PTPRK: variants seen among roughly 807,000 people sequenced by gnomAD.
PTPRK encodes receptor-type tyrosine-protein phosphatase kappa.
PTPRK carries 75 observed loss-of-function variants against 178.0 expected under a neutral mutation model. The observed-to-expected ratio is 0.42, with a 90% confidence interval of 0.35 to 0.51. PTPRK has a LOEUF of 0.51. PTPRK is among the 20% of genes least tolerant of loss of function. PTPRK has a pLI of 0.02. For missense variants in PTPRK, 1,441 were observed against 1,797.8 expected (o/e 0.80, Z 3.59); for synonymous variants, 637 against 620.6 (o/e 1.03, Z -0.39).
At chr6:128,441,535 C>T (rs2128400521) in intron 1 of PTPRK, among the ~76,000 whole-genome samples, 1 of 152,202 alleles carries the variant, frequency 6.6e-6, no homozygotes. Flanking sequence ...ACCCTCAAGT[C>T]CCCTCTCCCC....
chr6:128,099,946 T>C (rs1462624127), intron 7 of PTPRK, among the ~76,000 whole-genome samples: 7 of 152,030 alleles, frequency 4.6e-5, no homozygotes, highest in Non-Finnish European at 7.4e-5. Flanking sequence ...TTTCAGAGAT[T>C]AAATTAAAAG....
At chr6:128,321,122 G>C (rs1356863394) in intron 3 of PTPRK, 1 of 151,962 alleles carries the variant, frequency 6.6e-6, no homozygotes, top group Non-Finnish European at 1.5e-5. Flanking sequence ...ATTTTTAAAA[G>C]GCAGAAATAA....
At chr6:128,072,419 A>G (rs1782988795) in intron 11 of PTPRK, among the ~76,000 whole-genome samples, 2 of 152,014 alleles carry the variant, frequency 1.3e-5, no homozygotes, top group Admixed American at 1.3e-4. Context: ...AAATGTGCTC[A>G]GAACATTTAC....
At chr6:128,225,278 T>C (rs1033142976) in intron 5 of PTPRK, among the ~76,000 whole-genome samples, 1 of 152,164 alleles carries the variant, frequency 6.6e-6, no homozygotes, top group East Asian at 1.9e-4. Context: ...GATTCTCTCA[T>C]CTTCTTAAAA....
At chr6:128,198,940 A>C (rs1041543694) in intron 6 of PTPRK, among the ~76,000 whole-genome samples, 1 of 152,240 alleles carries the variant, frequency 6.6e-6, no homozygotes, top group Non-Finnish European at 1.5e-5. Context: ...AAAAGTATTA[A>C]CATAAGAAGA....
chr6:128,357,036 G>A (rs1026960903), intron 2 of PTPRK, among the ~76,000 whole-genome samples: 8 of 152,174 alleles, frequency 5.3e-5, no homozygotes, highest in Admixed American at 3.9e-4. Context: ...TACTGGGGAA[G>A]CCTAAGAGAG....
intron 7 of PTPRK, among the ~76,000 whole-genome samples, chr6:128,107,404 G>T (rs1789903413): frequency 6.6e-6 from 1 of 151,912 alleles, no homozygotes; most frequent in South Asian, 2.1e-4. Context: ...ATGCACCAAG[G>T]CATAATGTAT....
chr6:128,178,734 T>C (rs1443532478), intron 7 of PTPRK, among the ~76,000 whole-genome samples: 1 of 151,818 alleles, frequency 6.6e-6, no homozygotes, highest in Non-Finnish European at 1.5e-5. Context: ...CTGCTTCTAG[T>C]CCTTCCTTAG....
intron 9 of PTPRK, among the ~76,000 whole-genome samples, chr6:128,083,352 C>T (rs886128030): frequency 1.3e-5 from 2 of 151,512 alleles, no homozygotes; most frequent in African/African-American, 4.9e-5. Flanking sequence ...ATGGCTTCTC[C>T]TAAATCACAG....
chr6:128,487,265 A>C (rs2128427031), intron 1 of PTPRK, among the ~76,000 whole-genome samples: 1 of 150,132 alleles, frequency 6.7e-6, no homozygotes, highest in Admixed American at 6.7e-5. Flanking sequence ...GGATAAAAGA[A>C]GGCAGGACAC....
Position 128,520,257 on chromosome 6 carries a change from A to G in PTPRK, c.100+2T>C. On this transcript the variant is annotated splice_donor_variant, in intron 1 of 29. Coordinates refer to ENST00000368226, the MANE Select transcript of PTPRK (RefSeq NM_002844.4). LOFTEE classifies it high-confidence loss of function. ...CGTCGGGGACGCCCCCCGGCCACTC[A>G]CCTGCGGAGAACTGGCCTTGGGCCG... 6.3e-7 allele frequency: 1 copy of G among 1,588,880 alleles called. No homozygotes were observed. The highest frequency in any genetic ancestry group is 8.6e-7 in the Non-Finnish European group (1 of 1,167,450).
At position 128,211,246 on chromosome 6, in the gene PTPRK, G is replaced by A. The variant is rs115033024; in HGVS notation, c.868+7676C>T. On this transcript the variant is annotated intron_variant, in intron 6 of 29. Coordinates refer to ENST00000368226, the MANE Select transcript of PTPRK (RefSeq NM_002844.4). ...TTATTTAATTTCTGTCCAGCTCTCC[G>A]TCCCCAAATTCTCACTTTTAATACT... Among the ~76,000 whole-genome samples, 447 of 152,128 alleles carry A rather than the reference G, an allele frequency of 2.9e-3. 3 individuals carry two copies. The highest frequency in any genetic ancestry group is 9.8e-3 in the African/African-American group (405 of 41,518).
chr6:128,403,046 T>C (rs1218981171), intron 1 of PTPRK, among the ~76,000 whole-genome samples: 1 of 152,202 alleles, frequency 6.6e-6, no homozygotes, highest in Non-Finnish European at 1.5e-5. Context: ...CCATTATTTA[T>C]TGATAGGTAG....
chr6:128,106,123 C>T (rs1476457681), intron 7 of PTPRK, among the ~76,000 whole-genome samples: 2 of 152,056 alleles, frequency 1.3e-5, no homozygotes, highest in Non-Finnish European at 2.9e-5. Context: ...CTAGTATCTA[C>T]CTTATAGAGT....
chr6:128,307,082 A>T (rs1826496888), intron 3 of PTPRK, among the ~76,000 whole-genome samples: 1 of 151,626 alleles, frequency 6.6e-6, no homozygotes, highest in Non-Finnish European at 1.5e-5. Flanking sequence ...TTTTAGATAT[A>T]ATTAGTTTAA....
intron 1 of PTPRK, among the ~76,000 whole-genome samples, chr6:128,517,866 A>C (rs573454602): frequency 1.4e-4 from 22 of 152,314 alleles, no homozygotes; most frequent in African/African-American, 5.1e-4. Flanking sequence ...GGTTTATTTA[A>C]ATTTCTCAAA....
chr6:128,122,119 ATTT>A (rs886334458), intron 7 of PTPRK, among the ~76,000 whole-genome samples: 1 of 152,132 alleles, frequency 6.6e-6, no homozygotes, highest in African/African-American at 2.4e-5. Flanking sequence ...ACATCTAGAT[ATTT>A]TTAATAGCCT....
chr6:128,239,931 GCACACA>G (rs149959603), intron 5 of PTPRK, 98 bp downstream of exon 5: 4 of 734,798 alleles, frequency 5.4e-6, no homozygotes, highest in Non-Finnish European at 8.9e-6. Context: ...GTGTGCACAC[GCACACA>G]CACACACACT....
intron 5 of PTPRK, among the ~76,000 whole-genome samples, chr6:128,222,259 T>C (rs1327947727): frequency 6.6e-6 from 1 of 152,214 alleles, no homozygotes; most frequent in Non-Finnish European, 1.5e-5. Flanking sequence ...TTCACCTTTA[T>C]TGGCATTCCT....
Sources: gnomAD v4.1 joint callset for allele counts (sites outside exome capture counted in the v4.1 genomes callset) on GRCh38, gnomAD v4.1.1 for gene constraint, MANE v1.5 for transcripts, NCBI Gene and HGNC (gene_info 2026-07-23, HGNC 2026-07-21) for gene names.